The following BLTP1 variants were observed in gnomAD, a reference collection of about 807,000 sequenced individuals.
BLTP1 encodes bridge-like lipid transfer protein family member 1, also known as fragile site-associated protein.
chr4:122,279,532 A>G, the BLTP1 span, among the ~76,000 whole-genome samples: 5 of 152,150 alleles, frequency 3.3e-5, no homozygotes, highest in Admixed American at 3.3e-4. Flanking sequence ...TGTCAAACTG[A>G]TATCTTATCC....
chr4:122,329,428 G>A, the BLTP1 span, among the ~76,000 whole-genome samples: 1 of 151,200 alleles, frequency 6.6e-6, no homozygotes, highest in Non-Finnish European at 1.5e-5. Flanking sequence ...TTAATTTCAT[G>A]GTGGTCCAAG....
chr4:122,241,725 C>G, the BLTP1 span, among the ~76,000 whole-genome samples: 5 of 152,132 alleles, frequency 3.3e-5, no homozygotes, highest in African/African-American at 7.2e-5. Flanking sequence ...ACCAATTGCC[C>G]ATGCTAAGAT....
At chr4:122,182,862 A>T in the BLTP1 span, 1 of 985,002 alleles carries the variant, frequency 1.0e-6, no homozygotes, top group Non-Finnish European at 1.2e-6. Context: ...TAACACAATG[A>T]TTAATAAAGT....
At chr4:122,229,328 T>C in the BLTP1 span, 1 of 1,087,894 alleles carries the variant, frequency 9.2e-7, no homozygotes, top group Non-Finnish European at 1.3e-6. Flanking sequence ...CATTTATAGT[T>C]TGTCATCTCA....
the BLTP1 span, chr4:122,243,740 C>A: frequency 7.8e-7 from 1 of 1,276,362 alleles, no homozygotes; most frequent in African/African-American, 1.6e-5. Flanking sequence ...AAGTCAAGTC[C>A]AATTCCATAA....
chr4:122,169,349 G>C, the BLTP1 span, among the ~76,000 whole-genome samples: 1 of 152,244 alleles, frequency 6.6e-6, no homozygotes, highest in East Asian at 1.9e-4. Context: ...ATTTCAATTA[G>C]AAAGTTATCT....
At chr4:122,264,185 T>G in the BLTP1 span, 1 of 1,462,608 alleles carries the variant, frequency 6.8e-7, no homozygotes, top group Admixed American at 2.3e-5. Flanking sequence ...TTTACCCTGC[T>G]GTACACTTTT....
chr4:122,158,761 AC>A, the BLTP1 span, among the ~76,000 whole-genome samples: 8 of 151,998 alleles, frequency 5.3e-5, no homozygotes, highest in Admixed American at 5.2e-4. Flanking sequence ...ACACAGCGAG[AC>A]TCCGTCTCAA....
the BLTP1 span, among the ~76,000 whole-genome samples, chr4:122,248,581 T>C: frequency 6.6e-6 from 1 of 152,008 alleles, no homozygotes; most frequent in Admixed American, 6.6e-5. Context: ...CATCTGAATA[T>C]GTATGGGATT....
chr4:122,170,755 T>C, the BLTP1 span: 32 of 1,568,718 alleles, frequency 2.0e-5, no homozygotes, highest in Middle Eastern at 5.0e-4. Flanking sequence ...GTAAGTGGAA[T>C]ATTTTTCTTC....
At chr4:122,245,666 T>A in the BLTP1 span, among the ~76,000 whole-genome samples, 1 of 152,272 alleles carries the variant, frequency 6.6e-6, no homozygotes, top group East Asian at 1.9e-4. Context: ...CTCCATTTGA[T>A]TTTCAAATTT....
At chr4:122,155,604 G>A in the BLTP1 span, among the ~76,000 whole-genome samples, 7,131 of 152,236 alleles carry the variant, frequency 0.047, 241 homozygotes, top group East Asian at 0.14. Context: ...GATTACAGGT[G>A]TGAGCCACCG....
the BLTP1 span, chr4:122,305,108 AT>A: frequency 5.5e-6 from 7 of 1,280,614 alleles, no homozygotes; most frequent in Non-Finnish European, 4.0e-6. Context: ...AAAGTTTCTG[AT>A]TATAAATTCA....
the BLTP1 span, among the ~76,000 whole-genome samples, chr4:122,274,924 A>T: frequency 5.9e-5 from 9 of 152,162 alleles, no homozygotes; most frequent in African/African-American, 2.2e-4. Context: ...ATATTTCCTG[A>T]AATGGATGTT....
At chr4:122,282,363 C>T in the BLTP1 span, among the ~76,000 whole-genome samples, 8 of 152,102 alleles carry the variant, frequency 5.3e-5, no homozygotes, top group African/African-American at 1.9e-4. Context: ...CTTCTTTGGC[C>T]GGGCGCAGTG....
chr4:122,279,104 G>A, the BLTP1 span, among the ~76,000 whole-genome samples: 1 of 152,206 alleles, frequency 6.6e-6, no homozygotes, highest in Non-Finnish European at 1.5e-5. Flanking sequence ...TCCATTGAAA[G>A]CTCTGCCTTT....
chr4:122,263,061 G>T, the BLTP1 span: 2 of 1,458,406 alleles, frequency 1.4e-6, no homozygotes, highest in Non-Finnish European at 1.8e-6. Flanking sequence ...AGTTTAGTTA[G>T]ATATATACTT....
chr4:122,272,599 A>T, the BLTP1 span, among the ~76,000 whole-genome samples: 1 of 151,964 alleles, frequency 6.6e-6, no homozygotes, highest in African/African-American at 2.4e-5. Flanking sequence ...GGCAGCTTTG[A>T]TGTCTAAATA....
chr4:122,286,820 AT>A, the BLTP1 span: 1 of 1,561,476 alleles, frequency 6.4e-7, no homozygotes, highest in African/African-American at 1.4e-5. Context: ...ACTCTTCGTA[AT>A]TTAGGAGTCT....
Sources: allele counts gnomAD v4.1 joint callset (sites outside exome capture counted in the v4.1 genomes callset), GRCh38; gene constraint gnomAD v4.1.1; transcripts MANE v1.5; gene names NCBI Gene and HGNC (gene_info 2026-07-23, HGNC 2026-07-21).